The following CPEB3 variants were observed in gnomAD, a reference collection of about 807,000 sequenced individuals.
CPEB3 encodes cytoplasmic polyadenylation element-binding protein 3.
In CPEB3, 20 loss-of-function variants were observed where a neutral mutation model predicts 67.2. The observed-to-expected ratio is 0.30, with a 90% CI of 0.21 to 0.43. The LOEUF is 0.43. Among genes scored for constraint, CPEB3 ranks in the 20% least tolerant of loss-of-function variants. CPEB3 has a pLI of 1.00. For synonymous variants in CPEB3, 376 were observed against 393.1 expected, an observed-to-expected ratio of 0.96 and a Z score of 0.51; for missense variants, 746 against 968.6, an observed-to-expected ratio of 0.77 and a Z score of 3.05.
chr10:92,113,295 T>G (rs2133512873), intron 6 of CPEB3, among the ~76,000 whole-genome samples: 2 of 152,330 alleles, frequency 1.3e-5, no homozygotes, highest in East Asian at 3.9e-4. Flanking sequence ...CTTCATATCC[T>G]CTTTTGCAAA....
At chr10:92,136,259 T>G (rs1009579965) in intron 6 of CPEB3, among the ~76,000 whole-genome samples, 1 of 151,912 alleles carries the variant, frequency 6.6e-6, no homozygotes, top group Non-Finnish European at 1.5e-5. Flanking sequence ...GGGGAAAATC[T>G]CCAAGACATT....
chr10:92,283,876 G>A lies in CPEB3; in HGVS notation c.-12+7050C>T, dbSNP rs1373318795. ...CGAGTAGCTGGGATTACAGGTCCTC[G>A]CCACCACACCTGGCTATTTTTTTGT... On this transcript the variant is annotated intron_variant, in intron 1 of 9. Coordinates refer to ENST00000265997, the MANE Select transcript of CPEB3 (RefSeq NM_014912.5). 2.8e-5 allele frequency among the ~76,000 whole-genome samples: 4 copies of A among 143,306 alleles called. No homozygotes were observed. In the East Asian group the frequency reaches 6.2e-4, roughly 22 times the overall value. The allele number at this position is 143,306 out of a possible 152,430, so 94.0% of individuals were successfully genotyped here. A position where few individuals can be genotyped will look rare whatever the true frequency, so the allele number is the denominator to read the frequency against.
At chr10:92,092,997 A>G (rs1189964211) in intron 7 of CPEB3, among the ~76,000 whole-genome samples, 2 of 152,186 alleles carry the variant, frequency 1.3e-5, no homozygotes, top group African/African-American at 4.8e-5. Context: ...AAAATAAGGT[A>G]TTTCTTTAGA....
rs899798828 is a variant in CPEB3, at chr10:92,124,417, A to G, written c.1454-13223T>C. On this transcript the variant is annotated intron_variant, in intron 6 of 9. Transcript: ENST00000265997. ...GTGTGCTAAGCTTTTAAAAGCAAAG[A>G]TAGATGGACTCCATCTGTCAAAACA... Among the ~76,000 whole-genome samples, 5 of 152,326 alleles carry G rather than the reference A, an allele frequency of 3.3e-5. No homozygotes were observed. The South Asian group carries it at 6.2e-4, about 19-fold the overall frequency.
chr10:92,213,458 A>ATTC (rs1291567946), intron 2 of CPEB3, among the ~76,000 whole-genome samples: 1 of 152,210 alleles, frequency 6.6e-6, no homozygotes, highest in Non-Finnish European at 1.5e-5. Context: ...TAATGATTTA[A>ATTC]ATTACCAAAA....
chr10:92,157,965 TATAA>T (rs368716881), intron 4 of CPEB3, among the ~76,000 whole-genome samples: 44 of 151,718 alleles, frequency 2.9e-4, no homozygotes, highest in African/African-American at 1.0e-3. Context: ...CACACACAGG[TATAA>T]ATACACACAC....
chr10:92,136,806 G>A (rs536030890), intron 6 of CPEB3: 6 of 152,616 alleles, frequency 3.9e-5, no homozygotes, highest in South Asian at 2.1e-4. Context: ...TGATCTGCCC[G>A]CCTCAGCCTC....
chr10:92,243,867 A>G (rs1851950471), intron 1 of CPEB3, among the ~76,000 whole-genome samples: 1 of 152,132 alleles, frequency 6.6e-6, no homozygotes, highest in Admixed American at 6.6e-5. Context: ...GATTTCTTGT[A>G]TTTTAGTTTT....
intron 4 of CPEB3, among the ~76,000 whole-genome samples, chr10:92,151,664 A>G (rs74578008): frequency 0.021 from 3,267 of 152,300 alleles, 109 homozygotes; most frequent in African/African-American, 0.075. Context: ...AACTTTTGAT[A>G]TCTACCTTAA....
At chr10:92,186,259 A>G (rs1375287366) in intron 3 of CPEB3, among the ~76,000 whole-genome samples, 1 of 150,894 alleles carries the variant, frequency 6.6e-6, no homozygotes, top group Non-Finnish European at 1.5e-5. Context: ...GTATGGTGGC[A>G]TGCACCTACA....
intron 9 of CPEB3, among the ~76,000 whole-genome samples, chr10:92,080,308 T>C (rs1248395814): frequency 6.6e-6 from 1 of 152,096 alleles, no homozygotes; most frequent in Non-Finnish European, 1.5e-5. Flanking sequence ...ACCCCTAAGA[T>C]TGCAAACAGT....
Position 92,143,076 on chromosome 10 carries a change from A to T in CPEB3, c.1406T>A (p.Val469Glu), listed in dbSNP as rs781690363. 6.2e-7 allele frequency: 1 copy of T among 1,613,816 alleles called. No homozygotes were observed. Among genetic ancestry groups the T allele is most frequent in the African/African-American group, 1.3e-5 (1 of 75,056 alleles). Residue 469 changes from valine to glutamate, a missense_variant, in exon 6 of 10, where the codon GTA becomes GAA. Val to Glu is a moderately radical substitution (Grantham distance 121). Around this residue, in one of 2 missense-constraint regions of CPEB3, gnomAD observed 643 missense variants for 717.5 expected, o/e 0.90. Coordinates refer to ENST00000265997, the MANE Select transcript of CPEB3 (RefSeq NM_014912.5). ...ASFRRFGPLV[V>E]DWPHKAESKS... is the part of the protein sequence containing the mutation. ...GCTTTCAGCTTTGTGAGGCCAGTCT[A>T]CTACGAGAGGTCCAAACCTGCGAAA...
At chr10:92,235,912 TAAAG>T (rs1413739294) in intron 2 of CPEB3, among the ~76,000 whole-genome samples, 1 of 152,188 alleles carries the variant, frequency 6.6e-6, no homozygotes, top group Non-Finnish European at 1.5e-5. Flanking sequence ...ATTTACAACA[TAAAG>T]AAAATAGCTC....
chr10:92,228,901 A>G (rs1044200994), intron 2 of CPEB3, among the ~76,000 whole-genome samples: 1 of 151,016 alleles, frequency 6.6e-6, no homozygotes, highest in Admixed American at 6.6e-5. Context: ...TTTAGTAGAG[A>G]CGGGGTTTCA....
In CPEB3 at chr10:92,229,585, C is replaced by T. The variant is rs552920568; in HGVS notation, c.1005+9761G>A. On this transcript the variant is annotated intron_variant, in intron 2 of 9. Transcript: ENST00000265997. ...TATGTCAAAGCAAGAACTCTGCTTACTTCTTGGCATACCAAATCTACACAT... is the reference window on the plus strand; with the variant it reads ...TATGTCAAAGCAAGAACTCTGCTTATTTCTTGGCATACCAAATCTACACAT... Among the ~76,000 whole-genome samples, 14 of 151,884 alleles carry T rather than the reference C, an allele frequency of 9.2e-5. No homozygotes were observed. In the East Asian group the frequency reaches 2.3e-3, roughly 25 times the overall value.
chr10:92,092,790 A>AG (rs1337047128), intron 7 of CPEB3, among the ~76,000 whole-genome samples: 5 of 152,234 alleles, frequency 3.3e-5, no homozygotes, highest in Middle Eastern at 3.4e-3. Flanking sequence ...AAAAAAAAAA[A>AG]AGAGAGAGAA....
intron 1 of CPEB3, among the ~76,000 whole-genome samples, chr10:92,277,742 T>C (rs1269074868): frequency 6.7e-6 from 1 of 148,884 alleles, no homozygotes; most frequent in African/African-American, 2.5e-5. Context: ...AATACAAAAA[T>C]CAGCCGGGCA....
rs1226562397 is a variant in CPEB3 at position 92,216,797 on chromosome 10, G to A, written c.1005+22549C>T. 3.1e-6 allele frequency: 5 copies of A among 1,609,294 alleles called. No homozygotes were observed. In the African/African-American group the frequency reaches 5.4e-5, roughly 17 times the overall value. On this transcript the variant is annotated intron_variant, in intron 2 of 9. Transcript: ENST00000265997. Reference sequence around the variant, plus strand: ...GTCCCTGCCCCTACCCCTATGAGGAGCTCCGGTAGCACCTGGGCACCTGCC... The same window carrying A: ...GTCCCTGCCCCTACCCCTATGAGGAACTCCGGTAGCACCTGGGCACCTGCC...
chr10:92,121,326 G>C (rs1282250189), intron 6 of CPEB3, among the ~76,000 whole-genome samples: 1 of 148,446 alleles, frequency 6.7e-6, no homozygotes, highest in African/African-American at 2.5e-5. Context: ...ACTCTTAAAT[G>C]GCTATTGGGG....
Sources: allele counts gnomAD v4.1 joint callset (sites outside exome capture counted in the v4.1 genomes callset), GRCh38; gene constraint gnomAD v4.1.1; regional missense constraint gnomAD v4.1.1; transcripts MANE v1.5; gene names NCBI Gene and HGNC (gene_info 2026-07-23, HGNC 2026-07-21).